Variants in XRCC5 observed in about 807,000 individuals in gnomAD.
The protein encoded by XRCC5 is DNA repair protein Ku80.
XRCC5 carries 12 observed loss-of-function variants against 95.7 expected under a neutral mutation model. The ratio of observed to expected loss-of-function variants is 0.13; its 90% confidence interval spans 0.08 to 0.20. XRCC5 has a LOEUF of 0.20. XRCC5 is among the 10% of genes least tolerant of loss of function. XRCC5 has a pLI of 1.00. For synonymous variants in XRCC5, 281 were observed against 290.3 expected (o/e 0.97, Z 0.33); for missense variants, 595 against 873.9 (o/e 0.68, Z 4.02).
chr2:216,137,400 ACTGGT>A (rs1447897041), intron 11 of XRCC5, among the ~76,000 whole-genome samples, 175 bp downstream of exon 11: 3 of 152,218 alleles, frequency 2.0e-5, no homozygotes, highest in African/African-American at 7.2e-5. Flanking sequence ...AAATGCTGAT[ACTGGT>A]CTGTGAACCA....
chr2:216,175,087 C>G (rs936288282), intron 16 of XRCC5: 1 of 309,392 alleles, frequency 3.2e-6, no homozygotes, highest in African/African-American at 2.2e-5. Context: ...GCCAAAATTT[C>G]CTCCTTCATT....
At chr2:216,188,249 C>T (rs990449359) in intron 16 of XRCC5, among the ~76,000 whole-genome samples, 2 of 152,140 alleles carry the variant, frequency 1.3e-5, no homozygotes, top group Non-Finnish European at 2.9e-5. Flanking sequence ...TCTGTAATCA[C>T]CAAAGATTTT....
intron 16 of XRCC5, chr2:216,174,927 A>G (rs1478686690): frequency 5.7e-6 from 2 of 352,158 alleles, no homozygotes; most frequent in African/African-American, 2.2e-5. Flanking sequence ...CGTCACGTCT[A>G]CCGCCAGATC....
chr2:216,131,922 T>A (rs1407087487), intron 9 of XRCC5, among the ~76,000 whole-genome samples: 1 of 152,236 alleles, frequency 6.6e-6, no homozygotes, highest in Non-Finnish European at 1.5e-5. Context: ...TAGTTCCTAT[T>A]TGTCCTTTTA....
intron 16 of XRCC5, among the ~76,000 whole-genome samples, chr2:216,172,444 A>G (rs1173049271): frequency 1.3e-5 from 2 of 148,230 alleles, no homozygotes; most frequent in African/African-American, 5.2e-5. Context: ...GTTTCCATGG[A>G]AACTTTAGCA....
At position 216,180,201 on chromosome 2, in the gene XRCC5, G is replaced by A. The variant is rs186931853; in HGVS notation, c.1835-10024G>A. Among the ~76,000 whole-genome samples the A allele has an allele frequency of 7.2e-5, 11 of 152,292 alleles. No individual in the cohort carries two copies. The East Asian group carries it at 1.5e-3, about 21-fold the overall frequency. On this transcript the variant is annotated intron_variant, in intron 16 of 20. Transcript: ENST00000392132. Reference sequence around the variant, plus strand: ...AGACTGGAAGAGATCCTTGAGTAACGGAGAGGCATGGGATCTAGGGCACAG... The same window carrying A: ...AGACTGGAAGAGATCCTTGAGTAACAGAGAGGCATGGGATCTAGGGCACAG...
intron 16 of XRCC5, among the ~76,000 whole-genome samples, chr2:216,188,941 C>G (rs7607617): frequency 2.6e-5 from 4 of 152,172 alleles, no homozygotes; most frequent in Non-Finnish European, 5.9e-5. Context: ...TCATAATCTC[C>G]GAGTTGGTAG....
At chr2:216,175,373 A>G (rs1689253574) in intron 16 of XRCC5, 1 of 491,574 alleles carries the variant, frequency 2.0e-6, no homozygotes, top group South Asian at 1.5e-5. Flanking sequence ...TCCACAACCC[A>G]TAAAGTTGTC....
At chr2:216,167,409 A>G (rs1689070185) in intron 16 of XRCC5, among the ~76,000 whole-genome samples, 1 of 152,174 alleles carries the variant, frequency 6.6e-6, no homozygotes, top group South Asian at 2.1e-4. Context: ...ATCAAAGCCA[A>G]ATAGTTTTCA....
intron 6 of XRCC5, among the ~76,000 whole-genome samples, chr2:216,125,236 T>C (rs1267995360): frequency 6.6e-6 from 1 of 151,718 alleles, no homozygotes; most frequent in Non-Finnish European, 1.5e-5. Flanking sequence ...TCATTCTTGT[T>C]GGCCAGGCTG....
intron 6 of XRCC5, 150 bp from the exon 7 acceptor site, chr2:216,125,767 T>A (rs925356291): frequency 1.7e-6 from 1 of 600,604 alleles, no homozygotes; most frequent in African/African-American, 1.9e-5. Context: ...ATCTCCCAAC[T>A]TGTGGTTGTT....
chr2:216,145,957 A>G (rs567144234), intron 13 of XRCC5, among the ~76,000 whole-genome samples: 1 of 152,320 alleles, frequency 6.6e-6, no homozygotes, highest in African/African-American at 2.4e-5. Context: ...CTGTTCAGGT[A>G]TTTTAATGAA....
chr2:216,115,781 T>C (rs1696685042), intron 2 of XRCC5, among the ~76,000 whole-genome samples: 1 of 151,830 alleles, frequency 6.6e-6, no homozygotes, highest in Non-Finnish European at 1.5e-5. Context: ...TGTCTTATGC[T>C]GTAAATCCTA....
At chr2:216,177,290 C>T (rs1689295822) in intron 16 of XRCC5, among the ~76,000 whole-genome samples, 1 of 152,164 alleles carries the variant, frequency 6.6e-6, no homozygotes, top group Non-Finnish European at 1.5e-5. Flanking sequence ...AAGTTATTCA[C>T]CTTGAGACCT....
intron 14 of XRCC5, chr2:216,156,501 C>A: frequency 1.6e-6 from 1 of 633,498 alleles, no homozygotes; most frequent in South Asian, 1.4e-5. Flanking sequence ...CGCATTCAAT[C>A]ACAGCAAAAC....
At chr2:216,201,018 C>G (rs914058157) in intron 19 of XRCC5, among the ~76,000 whole-genome samples, 2 of 152,136 alleles carry the variant, frequency 1.3e-5, no homozygotes, top group Non-Finnish European at 2.9e-5. Context: ...TTTAGTTTAT[C>G]TGAGACTCAA....
At chr2:216,153,963 A>G (rs1337492002) in intron 14 of XRCC5, among the ~76,000 whole-genome samples, 1 of 152,114 alleles carries the variant, frequency 6.6e-6, no homozygotes, top group African/African-American at 2.4e-5. Flanking sequence ...ACCCCTCTTC[A>G]TGCTATTATT....
At chr2:216,163,675 A>G (rs1005580611) in intron 16 of XRCC5, among the ~76,000 whole-genome samples, 9 of 152,198 alleles carry the variant, frequency 5.9e-5, no homozygotes, top group Admixed American at 1.3e-4. Context: ...CTTGCAGTCT[A>G]GGAATCCTGG....
intron 1 of XRCC5, 82 bp downstream of exon 1, chr2:216,109,539 G>A: frequency 3.2e-6 from 5 of 1,585,164 alleles, no homozygotes; most frequent in African/African-American, 1.3e-5. Flanking sequence ...TCGTGGGATC[G>A]CGGTCAAGAC....
Sources: gnomAD v4.1 joint callset for allele counts (sites outside exome capture counted in the v4.1 genomes callset) on GRCh38, gnomAD v4.1.1 for gene constraint, MANE v1.5 for transcripts, NCBI Gene and HGNC (gene_info 2026-07-23, HGNC 2026-07-21) for gene names.